The following ARHGAP36 variants were observed in gnomAD, a reference collection of about 807,000 sequenced individuals.
The protein encoded by ARHGAP36 is rho GTPase-activating protein 36.
A neutral mutation model predicts 32.9 loss-of-function variants in ARHGAP36; 7 were observed. The ratio of observed to expected loss-of-function variants is 0.21; its 90% confidence interval spans 0.12 to 0.40. The LOEUF (loss-of-function observed/expected upper bound fraction) is 0.40. Ranked by LOEUF, ARHGAP36 falls within the 10% of genes least tolerant of loss-of-function variation. ARHGAP36 has a pLI of 1.00. For synonymous variants in ARHGAP36, 165 were observed against 168.3 expected (o/e 0.98, Z 0.15); for missense variants, 383 against 442.2 (o/e 0.87, Z 1.20).
intron 2 of ARHGAP36, among the ~76,000 whole-genome samples, 194 bp from the exon 3 acceptor site, chrX:131,082,971 G>C (rs1297230386): frequency 2.6e-5 from 3 of 113,246 alleles, no homozygotes; most frequent in Non-Finnish European, 5.6e-5. Context: ...AGTCTGATAA[G>C]AGTGAGATAG....
intron 1 of ARHGAP36, among the ~76,000 whole-genome samples, chrX:131,059,604 G>C (rs1435505946): frequency 8.9e-6 from 1 of 111,928 alleles, no homozygotes; most frequent in Non-Finnish European, 1.9e-5. Flanking sequence ...TTGACCTCCT[G>C]CTGAAAGACT....
chrX:131,084,551 G>T (rs1474251571), intron 5 of ARHGAP36, 75 bp from the exon 6 acceptor site: 5 of 1,163,561 alleles, frequency 4.3e-6, no homozygotes, highest in Non-Finnish European at 4.7e-6. Context: ...GATGCAGTAG[G>T]GGGTGAGGGG....
intron 1 of ARHGAP36, among the ~76,000 whole-genome samples, chrX:131,071,421 G>A (rs938193210): frequency 9.0e-6 from 1 of 111,203 alleles, no homozygotes; most frequent in African/African-American, 3.3e-5. Flanking sequence ...CCTGTGTTGG[G>A]TAAGATTTAT....
chrX:131,061,735 C>A lies in ARHGAP36; in HGVS notation c.-143+3291C>A, dbSNP rs2079670114. Among the ~76,000 whole-genome samples, 3 of 111,326 alleles carry A rather than the reference C, an allele frequency of 2.7e-5. No individual in the cohort carries two copies. The South Asian group carries it at 1.1e-3, about 42-fold the overall frequency. ...GATAAGCACCCCCATTCACCAATGG[C>A]AGGACTTCCCCAATTTTCTTTATTA... is the stretch of plus-strand genomic sequence containing the variant. On this transcript the variant is annotated intron_variant, in intron 1 of 11. Coordinates refer to ENST00000276211, the MANE Select transcript of ARHGAP36 (RefSeq NM_144967.4).
intron 1 of ARHGAP36, among the ~76,000 whole-genome samples, chrX:131,076,845 T>C (rs1214375617): frequency 8.9e-6 from 1 of 112,001 alleles, no homozygotes; most frequent in Non-Finnish European, 1.9e-5. Flanking sequence ...TTCTGAAACA[T>C]TCTAATATTA....
At chrX:131,077,425 A>G (rs1014622654) in intron 1 of ARHGAP36, among the ~76,000 whole-genome samples, 8 of 110,227 alleles carry the variant, frequency 7.3e-5, no homozygotes, top group Non-Finnish European at 1.3e-4. Context: ...TTTTTTTTCC[A>G]TAGGTGTTTA....
At chrX:131,081,308 A>G (rs898173872) in intron 1 of ARHGAP36, among the ~76,000 whole-genome samples, 11 of 110,290 alleles carry the variant, frequency 1.0e-4, no homozygotes, top group Non-Finnish European at 1.7e-4. Context: ...AAAAAAAAAA[A>G]CCTCTAAAAA....
Position 131,083,180 on chromosome X carries a change from G to A in ARHGAP36, c.269G>A (p.Arg90His). The change falls in exon 3 of 12, where the codon CGT becomes CAT. Residue 90 changes from arginine to histidine, a missense_variant. Physicochemically the swap from Arg to His is conservative, Grantham distance 29. This residue lies in a region of ARHGAP36 where 156 missense variants were observed against 131.0 expected (regional missense o/e 1.19). Coordinates refer to ENST00000276211, the MANE Select transcript of ARHGAP36 (RefSeq NM_144967.4). ...CTTTCTGTAGCTCTGCCTATTGACC[G>A]TCCGAACACCTTGGATAAGTGGTTT... ...FKPDRALPID[R>H]PNTLDKWFLI... is the part of the protein sequence containing the mutation. The A allele has an allele frequency of 8.3e-7, 1 of 1,210,838 alleles. No individual in the cohort carries two copies. The highest frequency in any genetic ancestry group is 1.1e-6 in the Non-Finnish European group (1 of 894,890).
intron 1 of ARHGAP36, among the ~76,000 whole-genome samples, chrX:131,059,856 G>A (rs991962016): frequency 4.8e-4 from 54 of 111,786 alleles, no homozygotes; most frequent in African/African-American, 1.7e-3. Flanking sequence ...TGGACTAGAA[G>A]GTTGTCATGT....
intron 9 of ARHGAP36, 67 bp from the exon 10 acceptor site, chrX:131,086,262 G>A: frequency 8.7e-7 from 1 of 1,150,051 alleles, no homozygotes; most frequent in East Asian, 3.0e-5. Flanking sequence ...CTAGGTACCT[G>A]AAAGAGATGA....
At chrX:131,078,667 C>A in intron 1 of ARHGAP36, 6 of 796,509 alleles carry the variant, frequency 7.5e-6, no homozygotes, top group Non-Finnish European at 1.0e-5. Context: ...CCCCACCCCA[C>A]CCATCTGCTT....
chrX:131,063,632 C>A (rs907236430), intron 1 of ARHGAP36, among the ~76,000 whole-genome samples: 2 of 110,657 alleles, frequency 1.8e-5, no homozygotes, highest in Non-Finnish European at 3.8e-5. Context: ...TAGGGGTGGA[C>A]CTCTCAGAGC....
chrX:131,088,803 A>G lies in ARHGAP36; in HGVS notation c.*18A>G. 8.3e-7 allele frequency: 1 copy of G among 1,198,422 alleles called. No individual in the cohort carries two copies. Among genetic ancestry groups the G allele is most frequent in the Non-Finnish European group, 1.1e-6 (1 of 889,718 alleles). ...TTCCTTAGATGTTTTTCCTTCTATA[A>G]GGTGCCAGACAGGGGAAAAGGGTGG... is the stretch of plus-strand genomic sequence containing the variant. On this transcript the variant is annotated 3_prime_UTR_variant, in exon 12 of 12. Transcript: ENST00000276211.
intron 7 of ARHGAP36, 65 bp from the exon 8 acceptor site, chrX:131,085,523 T>C: frequency 8.9e-7 from 1 of 1,127,830 alleles, no homozygotes; most frequent in Non-Finnish European, 1.2e-6. Context: ...GAATCTCACC[T>C]CCCTTGGTAT....
In ARHGAP36 at chrX:131,079,537, GTTTGTTTTTTGTTT is replaced by G. The variant is rs373550484; in HGVS notation, c.-142-1969_-142-1956del. Reference sequence around the variant, plus strand: ...AAATTCAAGTATGGTTTATTTGTTTGTTTGTTTTTTGTTTTTTGTTTTTTGTTTTTTTTTTTTTG... The same window carrying G: ...AAATTCAAGTATGGTTTATTTGTTTGTTTGTTTTTTGTTTTTTTTTTTTTG... On this transcript the variant is annotated intron_variant, in intron 1 of 11. Coordinates refer to ENST00000276211, the MANE Select transcript of ARHGAP36 (RefSeq NM_144967.4). Among the ~76,000 whole-genome samples the G allele has an allele frequency of 3.1e-4, 29 of 94,864 alleles. 1 individual carries two copies. The highest frequency in any genetic ancestry group is 2.8e-3 in the Admixed American group (24 of 8,676). 82.4% of individuals were successfully genotyped at this position (94,864 alleles called of 115,157 possible).
At chrX:131,088,220 C>G (rs1280697119) in intron 11 of ARHGAP36, among the ~76,000 whole-genome samples, 6 of 112,899 alleles carry the variant, frequency 5.3e-5, no homozygotes, top group Admixed American at 4.7e-4. Context: ...CACCTGCTTT[C>G]TGTCTTCCAT....
At chrX:131,068,239 G>A (rs1397025270) in intron 1 of ARHGAP36, among the ~76,000 whole-genome samples, 5 of 111,076 alleles carry the variant, frequency 4.5e-5, no homozygotes, top group African/African-American at 1.6e-4. Flanking sequence ...ACCCGCGCGC[G>A]CGCACACACG....
chrX:131,066,708 A>G lies in ARHGAP36; in HGVS notation c.-143+8264A>G, dbSNP rs188005035. 2.0e-3 allele frequency among the ~76,000 whole-genome samples: 226 copies of G among 112,124 alleles called. 1 individual carries two copies. Among genetic ancestry groups the G allele is most frequent in the Non-Finnish European group, 3.1e-3 (165 of 53,211 alleles). ...CTGGTATGTAATACAGGTTTAGGAA[A>G]TATGGTAGACCTGAGTTCAAATACC... On this transcript the variant is annotated intron_variant, in intron 1 of 11. Coordinates refer to ENST00000276211, the MANE Select transcript of ARHGAP36 (RefSeq NM_144967.4).
chrX:131,069,871 ACTT>A (rs1478955370), intron 1 of ARHGAP36, among the ~76,000 whole-genome samples: 2 of 111,816 alleles, frequency 1.8e-5, no homozygotes, highest in Admixed American at 9.4e-5. Flanking sequence ...ATATTTTTAA[ACTT>A]CTTGTGAGCA....
Sources: allele counts gnomAD v4.1 joint callset (sites outside exome capture counted in the v4.1 genomes callset), GRCh38; gene constraint gnomAD v4.1.1; regional missense constraint gnomAD v4.1.1; transcripts MANE v1.5; gene names NCBI Gene and HGNC (gene_info 2026-07-23, HGNC 2026-07-21).